The following ANGPTL3 variants were observed in gnomAD, a reference collection of about 807,000 sequenced individuals.
ANGPTL3 encodes the protein angiopoietin-related protein 3.
Under a neutral mutation model 52.7 loss-of-function variants are expected in ANGPTL3, and 51 were observed. The ratio of observed to expected loss-of-function variants is 0.97; its 90% confidence interval spans 0.77 to 1.22. ANGPTL3 has a LOEUF of 1.22. ANGPTL3 is among the 50% of genes most tolerant of loss of function. ANGPTL3 has a pLI of 0.00. For synonymous variants in ANGPTL3, 185 were observed against 179.8 expected, an observed-to-expected ratio of 1.03 and a Z score of -0.23; for missense variants, 506 against 520.7, an observed-to-expected ratio of 0.97 and a Z score of 0.27.
intron 5 of ANGPTL3, among the ~76,000 whole-genome samples, chr1:62,603,533 T>C (rs574639651): frequency 3.9e-4 from 59 of 151,932 alleles, no homozygotes; most frequent in Non-Finnish European, 6.1e-4. Context: ...AGGTTTACAT[T>C]TGAAGAAAGT....
At chr1:62,604,569 A>G in intron 6 of ANGPTL3, 64 bp from the exon 7 acceptor site, 1 of 1,498,092 alleles carries the variant, frequency 6.7e-7, no homozygotes, top group Non-Finnish European at 9.3e-7. Context: ...ACTTACGGGG[A>G]AATACAGTAA....
chr1:62,602,242 C>T, intron 4 of ANGPTL3, 43 bp from the exon 5 acceptor site: 1 of 1,473,028 alleles, frequency 6.8e-7, no homozygotes, highest in Non-Finnish European at 9.5e-7. Flanking sequence ...CATCTGTCAA[C>T]ATAAATCTAC....
intron 5 of ANGPTL3, among the ~76,000 whole-genome samples, chr1:62,602,927 C>G (rs1650365994): frequency 6.6e-6 from 1 of 151,400 alleles, no homozygotes; most frequent in Non-Finnish European, 1.5e-5. Flanking sequence ...GTAAAATAAG[C>G]AAGATAAAAT....
intron 5 of ANGPTL3, among the ~76,000 whole-genome samples, chr1:62,603,648 C>T (rs1650489127): frequency 6.6e-6 from 1 of 151,660 alleles, no homozygotes; most frequent in African/African-American, 2.4e-5. Context: ...TAAAGACTTG[C>T]AAATATTCCT....
At position 62,602,317 on chromosome 1, in the gene ANGPTL3, G is replaced by A. The variant is rs773045547; in HGVS notation, c.868G>A (p.Asp290Asn). The change falls in exon 5 of 7, where the codon GAT (aspartate) becomes AAT (asparagine). Residue 290 changes from aspartate (D) to asparagine (N), a missense_variant. Physicochemically the swap from Asp to Asn is conservative, Grantham distance 23. Coordinates refer to ENST00000371129, the MANE Select transcript of ANGPTL3 (RefSeq NM_014495.4). ...SPWTLIQHRI[D>N]GSQNFNETWE... ...ATGGACATTAATTCAACATCGAATAGATGGATCACAAAACTTCAATGAAAC... is the reference window on the plus strand; with the variant it reads ...ATGGACATTAATTCAACATCGAATAAATGGATCACAAAACTTCAATGAAAC... 1.9e-6 allele frequency: 3 copies of A among 1,610,724 alleles called. No individual in the cohort carries two copies. Among genetic ancestry groups the A allele is most frequent in the Non-Finnish European group, 2.5e-6 (3 of 1,177,650 alleles).
At chr1:62,601,032 A>G (rs751543753) in intron 2 of ANGPTL3, 50 bp from the exon 3 acceptor site, 2 of 1,063,334 alleles carry the variant, frequency 1.9e-6, no homozygotes, top group Non-Finnish European at 2.9e-6. Flanking sequence ...ATTTCCCCTA[A>G]TTGTATATTC....
rs1304389120 is a variant in ANGPTL3 at position 62,604,852 on chromosome 1, T to C, written c.*35T>C. 1.3e-6 allele frequency: 2 copies of C among 1,578,810 alleles called. No individual in the cohort carries two copies. The highest frequency in any genetic ancestry group is 2.2e-5 in the South Asian group (2 of 89,756). On this transcript the variant is annotated 3_prime_UTR_variant, in exon 7 of 7. Transcript: ENST00000371129. Reference sequence around the variant, plus strand: ...AATTTAAAAGGCAATAATTTAAACATTAACCTCATTCCAAGTTAATGTGGT... The same window carrying C: ...AATTTAAAAGGCAATAATTTAAACACTAACCTCATTCCAAGTTAATGTGGT...
Position 62,601,839 on chromosome 1 carries a change from C to T in ANGPTL3, c.792C>T (p.Pro264=). ...CAAGTGGCATGTATGCCATCAGACCCAGCAACTCTCAAGTTTTTCATGTCT... is the reference window on the plus strand; with the variant it reads ...CAAGTGGCATGTATGCCATCAGACCTAGCAACTCTCAAGTTTTTCATGTCT... ...EHTSGMYAIR[P]SNSQVFHVYC... is the part of the protein sequence containing the mutation. Residue 264 remains proline (P), a synonymous_variant, in exon 4 of 7, where the codon CCC becomes CCT. Transcript: ENST00000371129. 6.2e-7 allele frequency: 1 copy of T among 1,610,148 alleles called. No homozygotes were observed. Among genetic ancestry groups the T allele is most frequent in the South Asian group, 1.1e-5 (1 of 90,988 alleles).
chr1:62,601,334 C>A, intron 3 of ANGPTL3, 138 bp downstream of exon 3: 1 of 658,370 alleles, frequency 1.5e-6, no homozygotes, highest in Non-Finnish European at 2.7e-6. Flanking sequence ...TGCTGGGGTT[C>A]TTTTTACACC....
Position 62,604,172 on chromosome 1 carries a change from TTGG to T in ANGPTL3, c.1138_1140del (p.Val380del). 6.2e-7 allele frequency: 1 copy of T among 1,613,342 alleles called. No individual in the cohort carries two copies. On this transcript the variant is annotated inframe_deletion, in exon 6 of 7. Transcript: ENST00000371129. ...CAATGCAATCCCGGAAAACAAAGAT[TTGG>T]TGTTTTCTACTTGGGATCACAAAGC...
intron 6 of ANGPTL3, 22 bp from the exon 7 acceptor site, chr1:62,604,611 A>G (rs756766713): frequency 2.5e-6 from 4 of 1,610,350 alleles, no homozygotes; most frequent in Non-Finnish European, 3.4e-6. Flanking sequence ...TACCCATTAA[A>G]TTGCATATCT....
chr1:62,597,737 T>C lies in ANGPTL3; in HGVS notation c.171T>C (p.Leu57=), dbSNP rs533410817. The C allele has an allele frequency of 1.2e-6, 2 of 1,613,608 alleles. No homozygotes were observed. ...ANGLLQLGHG[L]KDFVHKTKGQ... is the part of the protein sequence containing the mutation. ...GCCTCCTTCAGTTGGGACATGGTCT[T>C]AAAGACTTTGTCCATAAGACGAAGG... Residue 57 remains leucine (L), a synonymous_variant, in exon 1 of 7, where the codon CTT becomes CTC. Transcript: ENST00000371129.
intron 6 of ANGPTL3, 35 bp downstream of exon 6, chr1:62,604,270 A>G (rs772352011): frequency 6.2e-7 from 1 of 1,607,082 alleles, no homozygotes; most frequent in South Asian, 1.1e-5. Context: ...TTATTTTCAT[A>G]TCTTCAAAGT....
chr1:62,600,988 A>G, intron 2 of ANGPTL3, 94 bp from the exon 3 acceptor site: 2 of 777,206 alleles, frequency 2.6e-6, no homozygotes, highest in South Asian at 1.4e-5. Context: ...TTATGAACTG[A>G]AAGACAAACT....
intron 2 of ANGPTL3, 82 bp downstream of exon 2, chr1:62,598,888 T>C (rs1649694678): frequency 1.2e-6 from 1 of 851,322 alleles, no homozygotes. Flanking sequence ...TTACAAGCTT[T>C]AACTGGATCA....
At position 62,602,297 on chromosome 1, in the gene ANGPTL3, C is replaced by A. The variant is rs960306207; in HGVS notation, c.848C>A (p.Thr283Lys). The A allele has an allele frequency of 2.5e-6, 4 of 1,609,266 alleles. No individual in the cohort carries two copies. Among genetic ancestry groups the A allele is most frequent in the Non-Finnish European group, 3.4e-6 (4 of 1,176,478 alleles). ...TCATTATATTCAGGTAGTCCATGGA[C>A]ATTAATTCAACATCGAATAGATGGA... The part of the protein sequence containing the change: ...YCDVISGSPW[T>K]LIQHRIDGSQ... The change falls in exon 5 of 7, where the codon ACA becomes AAA. Residue 283 changes from threonine to lysine, a missense_variant. Coordinates refer to ENST00000371129, the MANE Select transcript of ANGPTL3 (RefSeq NM_014495.4).
chr1:62,606,062 T>C lies in ANGPTL3; in HGVS notation c.*1245T>C, dbSNP rs1164801922. The C allele has an allele frequency of 6.6e-6, 1 of 152,068 alleles. No individual in the cohort carries two copies. Among genetic ancestry groups the C allele is most frequent in the Non-Finnish European group, 1.5e-5 (1 of 67,964 alleles). 9.4% of individuals were successfully genotyped at this position (152,068 alleles called of 1,614,324 possible). On this transcript the variant is annotated 3_prime_UTR_variant, in exon 7 of 7. Transcript: ENST00000371129. ...TATACATGTCATATATATTTTTATA[T>C]GTCACATATATAAAAGATATGTATG...
At chr1:62,603,246 G>A (rs1283540115) in intron 5 of ANGPTL3, among the ~76,000 whole-genome samples, 1 of 151,626 alleles carries the variant, frequency 6.6e-6, no homozygotes, top group Non-Finnish European at 1.5e-5. Context: ...GTATTTACCA[G>A]CAATCCTTAA....
rs1650719477 is a variant in ANGPTL3 at position 62,604,764 on chromosome 1, A to T, written c.1330A>T (p.Ile444Leu). The change falls in exon 7 of 7, where the codon ATA becomes TTA. Residue 444 changes from isoleucine to leucine, a missense_variant. By Grantham distance (5) the Ile-to-Leu change is conservative (BLOSUM62 2). Coordinates refer to ENST00000371129, the MANE Select transcript of ANGPTL3 (RefSeq NM_014495.4). Reference protein sequence around the residue: ...WKSQNGRLYSIKSTKMLIHPT... With the variant: ...WKSQNGRLYSLKSTKMLIHPT... Reference sequence around the variant, plus strand: ...GTCTCAAAATGGAAGGTTATACTCTATAAAATCAACCAAAATGTTGATCCA... The same window carrying T: ...GTCTCAAAATGGAAGGTTATACTCTTTAAAATCAACCAAAATGTTGATCCA... 5.6e-6 allele frequency: 9 copies of T among 1,613,100 alleles called. No homozygotes were observed. Among genetic ancestry groups the T allele is most frequent in the Non-Finnish European group, 7.6e-6 (9 of 1,179,290 alleles).
Sources: allele counts gnomAD v4.1 joint callset (sites outside exome capture counted in the v4.1 genomes callset), GRCh38; gene constraint gnomAD v4.1.1; transcripts MANE v1.5; gene names NCBI Gene and HGNC (gene_info 2026-07-23, HGNC 2026-07-21).